UQCRC2: variants seen among roughly 807,000 people sequenced by gnomAD.
The protein encoded by UQCRC2 is cytochrome b-c1 complex subunit 2, mitochondrial.
UQCRC2 carries 49 observed loss-of-function variants against 55.6 expected under a neutral mutation model. That is an observed-to-expected ratio of 0.88 (90% CI 0.70 to 1.12). UQCRC2 has a LOEUF of 1.12. UQCRC2 is among the 50% of genes most tolerant of loss of function. The pLI is 0.00. For missense variants in UQCRC2, 506 were observed against 547.8 expected, an observed-to-expected ratio of 0.92 and a Z score of 0.76; for synonymous variants, 193 against 192.0, an observed-to-expected ratio of 1.01 and a Z score of -0.04.
intron 3 of UQCRC2, among the ~76,000 whole-genome samples, 200 bp from the exon 4 acceptor site, chr16:21,958,335 A>G (rs1161266224): frequency 6.6e-6 from 1 of 152,216 alleles, no homozygotes; most frequent in Non-Finnish European, 1.5e-5. Context: ...GACAGTGGAA[A>G]TTTTACATGA....
At chr16:21,973,383 A>T (rs776667802) in intron 10 of UQCRC2, among the ~76,000 whole-genome samples, 1 of 152,196 alleles carries the variant, frequency 6.6e-6, no homozygotes, top group Non-Finnish European at 1.5e-5. Context: ...GCTCTGCTCA[A>T]ACTAGATAAC....
At chr16:21,958,430 G>GT in intron 3 of UQCRC2, 105 bp from the exon 4 acceptor site, 1 of 999,734 alleles carries the variant, frequency 1.0e-6, no homozygotes, top group Non-Finnish European at 1.5e-6. Context: ...CAGGAATTTA[G>GT]TAAAATTCTT....
chr16:21,973,139 G>T (rs1898503627), intron 10 of UQCRC2, among the ~76,000 whole-genome samples: 1 of 151,962 alleles, frequency 6.6e-6, no homozygotes, highest in East Asian at 1.9e-4. Context: ...AAATTGAAGT[G>T]CCTTCTTATG....
rs1898301808 is a variant in UQCRC2 at position 21,965,408 on chromosome 16, A to C, written c.515A>C (p.His172Pro). The C allele has an allele frequency of 6.2e-7, 1 of 1,613,648 alleles. No individual in the cohort carries two copies. The highest frequency in any genetic ancestry group is 1.3e-5 in the African/African-American group (1 of 74,916). Reference sequence around the variant, plus strand: ...AAATGCTTCTTCACTTATCTCACAGATGTCATTGAAAATTTGCATGCAGCA... The same window carrying C: ...AAATGCTTCTTCACTTATCTCACAGCTGTCATTGAAAATTTGCATGCAGCA... ...KAVAFQNPQT[H>P]VIENLHAAAY... is the part of the protein sequence containing the mutation. The change falls in exon 7 of 14, where the codon CAT (histidine) becomes CCT (proline). Residue 172 changes from histidine (H) to proline (P), a missense_variant and splice_region_variant. By Grantham distance (77) the His-to-Pro change is moderately conservative (BLOSUM62 -2). Transcript: ENST00000268379.
intron 1 of UQCRC2, among the ~76,000 whole-genome samples, chr16:21,955,465 C>G (rs1036750566): frequency 6.6e-6 from 1 of 152,128 alleles, no homozygotes; most frequent in African/African-American, 2.4e-5. Context: ...CTTGGGAGCA[C>G]CAAATTTTAT....
intron 7 of UQCRC2, among the ~76,000 whole-genome samples, chr16:21,967,923 G>A (rs538291708): frequency 1.3e-5 from 2 of 151,324 alleles, no homozygotes; most frequent in African/African-American, 2.4e-5. Flanking sequence ...GACATACTAC[G>A]TAAGCTACAT....
chr16:21,968,904 A>G (rs528631587), intron 8 of UQCRC2, among the ~76,000 whole-genome samples: 4 of 152,358 alleles, frequency 2.6e-5, no homozygotes, highest in African/African-American at 9.6e-5. Context: ...AATTCTTTAC[A>G]GTATTTGTAA....
At chr16:21,957,341 C>T (rs142367317) in intron 2 of UQCRC2, 23 bp downstream of exon 2, 1 of 1,614,048 alleles carries the variant, frequency 6.2e-7, no homozygotes, top group Non-Finnish European at 8.5e-7. Context: ...AACTTGCTCG[C>T]TGGAAGCTAT....
chr16:21,959,366 G>T, intron 4 of UQCRC2: 1 of 276,122 alleles, frequency 3.6e-6, no homozygotes, highest in South Asian at 3.6e-5. Context: ...ACCAGGAGCA[G>T]ATTCTATCTC....
chr16:21,978,859 T>C (rs1210870887), intron 12 of UQCRC2, among the ~76,000 whole-genome samples: 1 of 152,132 alleles, frequency 6.6e-6, no homozygotes, highest in Non-Finnish European at 1.5e-5. Context: ...GCTTGACTAC[T>C]TCACCCTTGG....
At chr16:21,967,668 T>C (rs946963243) in intron 7 of UQCRC2, among the ~76,000 whole-genome samples, 1 of 152,142 alleles carries the variant, frequency 6.6e-6, no homozygotes, top group African/African-American at 2.4e-5. Flanking sequence ...ATTTAATATT[T>C]TATATCAGTC....
At position 21,971,936 on chromosome 16, in the gene UQCRC2, A is replaced by T; in HGVS notation, c.780A>T (p.Glu260Asp). 1 of 1,614,118 alleles carries T rather than the reference A, an allele frequency of 6.2e-7. No homozygotes were observed. The highest frequency in any genetic ancestry group is 8.5e-7 in the Non-Finnish European group (1 of 1,180,026). ...ATCTGGCCCCAGGTGAAATCCGAGA[A>T]CAGAATGGAGACAGTCTTGTCCATG... is the stretch of plus-strand genomic sequence containing the variant. Reference protein sequence around the residue: ...KANYRGGEIREQNGDSLVHAA... With the variant: ...KANYRGGEIRDQNGDSLVHAA... Residue 260 changes from glutamate to aspartate, a missense_variant, in exon 10 of 14, where the codon GAA (glutamate) becomes GAT (aspartate). By Grantham distance (45) the Glu-to-Asp change is conservative (BLOSUM62 2). Transcript: ENST00000268379.
chr16:21,962,663 AC>A, intron 5 of UQCRC2, 97 bp from the exon 6 acceptor site: 1 of 1,596,204 alleles, frequency 6.3e-7, no homozygotes, highest in Non-Finnish European at 8.6e-7. Flanking sequence ...TTACCACAAG[AC>A]CTAAAGTTTC....
intron 5 of UQCRC2, 31 bp downstream of exon 5, chr16:21,962,547 C>A: frequency 6.2e-7 from 1 of 1,613,720 alleles, no homozygotes; most frequent in Non-Finnish European, 8.5e-7. Context: ...AGGACTTCTG[C>A]TTTGAAAGAA....
At chr16:21,962,338 A>T in intron 4 of UQCRC2, 122 bp from the exon 5 acceptor site, 1 of 1,164,762 alleles carries the variant, frequency 8.6e-7, no homozygotes, top group South Asian at 1.5e-5. Flanking sequence ...TTGTTATATT[A>T]TTGTTCGCAC....
chr16:21,964,663 ATTAC>A (rs1567472361), intron 6 of UQCRC2, among the ~76,000 whole-genome samples: 1 of 152,102 alleles, frequency 6.6e-6, no homozygotes, highest in South Asian at 2.1e-4. Flanking sequence ...GATCCCACAT[ATTAC>A]TTGTATTAAT....
At chr16:21,956,553 G>A (rs941165597) in intron 1 of UQCRC2, among the ~76,000 whole-genome samples, 1 of 152,098 alleles carries the variant, frequency 6.6e-6, no homozygotes, top group African/African-American at 2.4e-5. Context: ...CAACAAAAAA[G>A]GTTGTGGATG....
intron 5 of UQCRC2, 75 bp downstream of exon 5, chr16:21,962,591 C>G (rs904383898): frequency 1.9e-6 from 3 of 1,600,516 alleles, no homozygotes; most frequent in Non-Finnish European, 2.6e-6. Context: ...CTTTGTAATG[C>G]GTCATTATGA....
At chr16:21,974,069 A>G (rs577243030) in intron 11 of UQCRC2, 93 bp downstream of exon 11, 4 of 1,103,882 alleles carry the variant, frequency 3.6e-6, no homozygotes, top group Non-Finnish European at 5.3e-6. Context: ...GAATGTTTGA[A>G]TGCAGTGCAA....
Sources: allele counts gnomAD v4.1 joint callset (sites outside exome capture counted in the v4.1 genomes callset), GRCh38; gene constraint gnomAD v4.1.1; transcripts MANE v1.5; gene names NCBI Gene and HGNC (gene_info 2026-07-23, HGNC 2026-07-21).